RANBP2: variants seen among roughly 807,000 people sequenced by gnomAD.
RANBP2 encodes RAN binding protein 2.
A neutral mutation model predicts 303.6 loss-of-function variants in RANBP2; 57 were observed. The observed-to-expected ratio is 0.19, with a 90% CI of 0.15 to 0.23. The LOEUF (loss-of-function observed/expected upper bound fraction) is 0.23, where lower values mean the gene tolerates loss of function less well. Among genes scored for constraint, RANBP2 ranks in the 10% least tolerant of loss-of-function variants. The pLI is 1.00. For missense variants in RANBP2, 3,138 were observed against 3,780.8 expected, an observed-to-expected ratio of 0.83 and a Z score of 4.46; for synonymous variants, 1,167 against 1,301.5, an observed-to-expected ratio of 0.90 and a Z score of 2.23.
the RANBP2 span, among the ~76,000 whole-genome samples, chr2:109,674,340 G>T: frequency 6.7e-6 from 1 of 148,652 alleles, no homozygotes; most frequent in Non-Finnish European, 1.5e-5. Flanking sequence ...TTGGGAGGGT[G>T]AGGCATGAAG....
chr2:109,730,219 A>G, the RANBP2 span, among the ~76,000 whole-genome samples: 1 of 152,222 alleles, frequency 6.6e-6, no homozygotes, highest in African/African-American at 2.4e-5. Flanking sequence ...AAAGGTTCAG[A>G]GAAAGAGACA....
At chr2:108,814,945 T>C in the RANBP2 span, among the ~76,000 whole-genome samples, 6 of 152,098 alleles carry the variant, frequency 3.9e-5, no homozygotes, top group Non-Finnish European at 7.4e-5. Flanking sequence ...CTGCAGATTT[T>C]TAAAAAAATA....
the RANBP2 span, among the ~76,000 whole-genome samples, chr2:109,226,028 C>G: frequency 6.6e-6 from 1 of 152,180 alleles, no homozygotes; most frequent in Non-Finnish European, 1.5e-5. Flanking sequence ...AGTATTTTGT[C>G]AGGAAAAAAT....
chr2:108,789,024 AAG>A, downstream of RANBP2: 1 of 1,576,782 alleles, frequency 6.3e-7, no homozygotes, highest in Admixed American at 1.7e-5. Context: ...AAAACTGAGA[AAG>A]AGAAAAGGGC....
chr2:108,871,700 G>A, the RANBP2 span, among the ~76,000 whole-genome samples: 144 of 152,190 alleles, frequency 9.5e-4, no homozygotes, highest in African/African-American at 3.2e-3. Flanking sequence ...TAAATACTGT[G>A]TTCTACACAG....
At chr2:109,062,865 G>A in the RANBP2 span, among the ~76,000 whole-genome samples, 1 of 151,862 alleles carries the variant, frequency 6.6e-6, no homozygotes, top group African/African-American at 2.4e-5. Context: ...GCGGGTGGAG[G>A]TGAAGGGGGC....
chr2:109,390,440 T>G, the RANBP2 span, among the ~76,000 whole-genome samples: 7 of 152,174 alleles, frequency 4.6e-5, no homozygotes, highest in Non-Finnish European at 7.3e-5. Context: ...AATTTTCTGT[T>G]TTCTTATTTA....
At chr2:108,772,113 ATAAT>A (rs1240774853) in intron 21 of RANBP2, among the ~76,000 whole-genome samples, 1 of 152,240 alleles carries the variant, frequency 6.6e-6, no homozygotes, top group African/African-American at 2.4e-5. Context: ...GGGATTTAAA[ATAAT>A]TATAATTTTG....
chr2:109,130,246 T>G, the RANBP2 span: 2 of 865,598 alleles, frequency 2.3e-6, no homozygotes, highest in Admixed American at 4.4e-5. Flanking sequence ...GCTGTTGCTC[T>G]TCCTCCAACT....
At chr2:109,721,602 G>A in the RANBP2 span, among the ~76,000 whole-genome samples, 1 of 152,232 alleles carries the variant, frequency 6.6e-6, no homozygotes, top group African/African-American at 2.4e-5. Flanking sequence ...AGCAGGATGA[G>A]GCCATCAGAA....
chr2:109,215,082 C>A, the RANBP2 span, among the ~76,000 whole-genome samples: 9 of 152,322 alleles, frequency 5.9e-5, no homozygotes, highest in African/African-American at 1.7e-4. Flanking sequence ...CAGCGTTAAA[C>A]CTTCAGTGGG....
chr2:109,030,209 C>T, the RANBP2 span, among the ~76,000 whole-genome samples: 5 of 152,180 alleles, frequency 3.3e-5, no homozygotes, highest in African/African-American at 7.2e-5. Flanking sequence ...TTCCTCAATC[C>T]TCCCCTGCAC....
the RANBP2 span, among the ~76,000 whole-genome samples, chr2:109,654,906 CT>C: frequency 2.9e-3 from 411 of 142,166 alleles, no homozygotes; most frequent in Middle Eastern, 7.4e-3. Context: ...CTTTTCTTTT[CT>C]TTTTTTTTTT....
the RANBP2 span, among the ~76,000 whole-genome samples, chr2:109,196,405 G>A: frequency 1.3e-5 from 2 of 152,206 alleles, no homozygotes; most frequent in African/African-American, 4.8e-5. Context: ...CCCGTGGCGG[G>A]CAGCCTCCTG....
chr2:108,800,592 T>A, the RANBP2 span, among the ~76,000 whole-genome samples: 17 of 146,354 alleles, frequency 1.2e-4, no homozygotes, highest in East Asian at 3.2e-3. Flanking sequence ...GGGCAGTGGT[T>A]CTCATCTCAG....
the RANBP2 span, among the ~76,000 whole-genome samples, chr2:109,349,036 T>A: frequency 0.18 from 27,575 of 151,766 alleles, 2,612 homozygotes; most frequent in African/African-American, 0.24. Context: ...TCTCTCTCTC[T>A]CACACACACA....
chr2:109,714,368 A>G, the RANBP2 span, among the ~76,000 whole-genome samples: 7 of 151,282 alleles, frequency 4.6e-5, no homozygotes, highest in African/African-American at 1.7e-4. Context: ...GTGGTGTGAT[A>G]TTGGCTCACT....
chr2:109,179,750 C>G, the RANBP2 span, among the ~76,000 whole-genome samples: 10 of 152,176 alleles, frequency 6.6e-5, no homozygotes, highest in African/African-American at 2.4e-4. Context: ...TCCAAAGACC[C>G]TGCCTCAAGA....
chr2:109,584,114 C>T, the RANBP2 span, among the ~76,000 whole-genome samples: 8 of 152,124 alleles, frequency 5.3e-5, no homozygotes, highest in Non-Finnish European at 1.0e-4. Context: ...TGTAATAAAC[C>T]TGCAAATGTA....
Sources: allele counts gnomAD v4.1 joint callset (sites outside exome capture counted in the v4.1 genomes callset), GRCh38; gene constraint gnomAD v4.1.1; transcripts MANE v1.5; gene names NCBI Gene and HGNC (gene_info 2026-07-23, HGNC 2026-07-21).